LAMA4: variants seen among roughly 807,000 people sequenced by gnomAD.
LAMA4 encodes laminin subunit alpha-4.
Under a neutral mutation model 207.1 loss-of-function variants are expected in LAMA4, and 127 were observed. That is an observed-to-expected ratio of 0.61 (90% CI 0.53 to 0.71). The LOEUF (loss-of-function observed/expected upper bound fraction) is 0.71. Ranked by LOEUF, LAMA4 falls within the 30% of genes least tolerant of loss-of-function variation. The pLI is 0.00. For missense variants in LAMA4, 2,093 were observed against 2,246.5 expected (o/e 0.93, Z 1.38); for synonymous variants, 761 against 816.0 (o/e 0.93, Z 1.15).
chr6:112,114,865 CAT>C lies in LAMA4; in HGVS notation c.5113-111_5113-110del, dbSNP rs113252304. The C allele has an allele frequency of 4.4e-3, 3,553 of 813,922 alleles. 97 individuals carry two copies. The African/African-American group carries it at 0.054, about 12-fold the overall frequency. The allele number at this position is 813,922 out of a possible 1,614,324, so 50.4% of individuals were successfully genotyped here. On this transcript the variant is annotated intron_variant, in intron 36 of 38. Transcript: ENST00000230538. ...AGCAATACTTCAACAAATATTCACA[CAT>C]GATTAGCTTTGCAATTTGAACACAA... is the stretch of plus-strand genomic sequence containing the variant.
chr6:112,239,797 C>T (rs547293777), intron 2 of LAMA4, among the ~76,000 whole-genome samples: 1 of 152,238 alleles, frequency 6.6e-6, no homozygotes, highest in East Asian at 1.9e-4. Context: ...GGTGCGGTGG[C>T]TCATGCCTGT....
intron 5 of LAMA4, among the ~76,000 whole-genome samples, chr6:112,195,877 T>C (rs1318528880): frequency 1.3e-5 from 2 of 151,978 alleles, no homozygotes; most frequent in Non-Finnish European, 2.9e-5. Flanking sequence ...TTGTGTGATG[T>C]TAGATTAAGT....
chr6:112,142,127 T>G lies in LAMA4; in HGVS notation c.2659A>C (p.Ser887Arg). Residue 887 changes from serine to arginine, a missense_variant, in exon 20 of 39, where the codon AGC becomes CGC. Around this residue, in one of 3 missense-constraint regions of LAMA4, gnomAD observed 1,704 missense variants for 1,788.4 expected, o/e 0.95. Transcript: ENST00000230538. Reference protein sequence around the residue: ...TADQFILYLGSKNAKKEYMGL... With the variant: ...TADQFILYLGRKNAKKEYMGL... ...CAAACTCATGTGCTTACGTTTTTGC[T>G]TCCGAGGTACAGGATAAACTGATCT... 6.2e-7 allele frequency: 1 copy of G among 1,614,118 alleles called. No individual in the cohort carries two copies. The highest frequency in any genetic ancestry group is 8.5e-7 in the Non-Finnish European group (1 of 1,179,984).
chr6:112,215,380 G>A (rs1463109316), intron 3 of LAMA4, among the ~76,000 whole-genome samples: 2 of 152,188 alleles, frequency 1.3e-5, no homozygotes, highest in African/African-American at 4.8e-5. Flanking sequence ...GCATCTTAAT[G>A]TGTGAATAAA....
chr6:112,117,807 G>A lies in LAMA4; in HGVS notation c.4913C>T (p.Thr1638Ile). Residue 1638 changes from threonine to isoleucine, a missense_variant, in exon 35 of 39, where the codon ACC (threonine) becomes ATC (isoleucine). Physicochemically the swap from Thr to Ile is moderately conservative, Grantham distance 89. Coordinates refer to ENST00000230538, the MANE Select transcript of LAMA4 (RefSeq NM_001105206.3). This position sits in a 1 kb window ranked among gnomAD's most constrained non-coding sequence, Gnocchi z 4.5. Reference protein sequence around the residue: ...ITSASQTFSVTPCFEGPMETG... With the variant: ...ITSASQTFSVIPCFEGPMETG... ...TTCCATGGGGCCTTCAAAGCAAGGG[G>A]TCACACTGAATGTCTGAGAAGCAGA... 6.2e-7 allele frequency: 1 copy of A among 1,613,778 alleles called. No individual in the cohort carries two copies. The highest frequency in any genetic ancestry group is 8.5e-7 in the Non-Finnish European group (1 of 1,179,766).
At chr6:112,161,638 A>C (rs571271912) in intron 13 of LAMA4, among the ~76,000 whole-genome samples, 188 of 152,298 alleles carry the variant, frequency 1.2e-3, no homozygotes, top group African/African-American at 4.3e-3. Flanking sequence ...ACAGGTAATA[A>C]ACAAGTGATC....
intron 13 of LAMA4, among the ~76,000 whole-genome samples, chr6:112,164,881 T>C (rs1245168291): frequency 6.6e-6 from 1 of 152,238 alleles, no homozygotes; most frequent in African/African-American, 2.4e-5. Flanking sequence ...CCACTGAATA[T>C]AGTAGCTGCT....
rs587726125 is a variant in LAMA4 at position 112,114,144 on chromosome 6, T to C, written c.5258A>G (p.His1753Arg). ...TTTTGGATTCAGGGGTCCAACCACA[T>C]GGTTCACTTCAGAGTCCACATCCAA... ...VQLDVDSEVNHVVGPLNPKPI... is the reference protein window; with the variant it reads ...VQLDVDSEVNRVVGPLNPKPI... Residue 1753 changes from histidine to arginine, a missense_variant, in exon 38 of 39, where the codon CAT becomes CGT. By Grantham distance (29) the His-to-Arg change is conservative (BLOSUM62 0). Transcript: ENST00000230538. 3.7e-6 allele frequency: 6 copies of C among 1,613,900 alleles called. No homozygotes were observed. The African/African-American group carries it at 6.7e-5, about 18-fold the overall frequency.
chr6:112,216,519 G>A (rs1554358801), intron 2 of LAMA4, 50 bp from the exon 3 acceptor site: 1 of 1,275,194 alleles, frequency 7.8e-7, no homozygotes, highest in East Asian at 2.3e-5. Flanking sequence ...ATTGATTTTG[G>A]TCAATATTTT....
rs1783131705 is a variant in LAMA4 at position 112,191,720 on chromosome 6, A to T, written c.634T>A (p.Cys212Ser). 2 of 1,614,108 alleles carry T rather than the reference A, an allele frequency of 1.2e-6. No individual in the cohort carries two copies. The highest frequency in any genetic ancestry group is 1.7e-6 in the Non-Finnish European group (2 of 1,179,978). The part of the protein sequence containing the change: ...CDEVTGQCRN[C>S]LRNTTGFKCE... ...TTGAATCCGGTGGTGTTGCGTAAGC[A>T]ATTCCTACACTGGCCAGTGACTTCA... Residue 212 changes from cysteine to serine, a missense_variant, in exon 6 of 39, where the codon TGC (cysteine) becomes AGC (serine). Around this residue, in one of 3 missense-constraint regions of LAMA4, gnomAD observed 1,704 missense variants for 1,788.4 expected, o/e 0.95. Coordinates refer to ENST00000230538, the MANE Select transcript of LAMA4 (RefSeq NM_001105206.3).
intron 31 of LAMA4, among the ~76,000 whole-genome samples, chr6:112,127,817 A>C (rs1554328163): frequency 2.0e-5 from 3 of 152,196 alleles, no homozygotes. Flanking sequence ...GCACACTCTT[A>C]AAATTGGATC....
At chr6:112,170,724 T>C (rs1296226741) in intron 12 of LAMA4, among the ~76,000 whole-genome samples, 3 of 152,164 alleles carry the variant, frequency 2.0e-5, no homozygotes, top group Admixed American at 1.3e-4. Flanking sequence ...ATTCCCTTAC[T>C]TTTTGGAGCC....
At chr6:112,202,938 C>G (rs782307874) in intron 4 of LAMA4, among the ~76,000 whole-genome samples, 6 of 152,128 alleles carry the variant, frequency 3.9e-5, no homozygotes, top group Non-Finnish European at 5.9e-5. Flanking sequence ...CTGTTTCAAA[C>G]AGATGACATT....
At chr6:112,182,192 G>A (rs782573820) in intron 9 of LAMA4, among the ~76,000 whole-genome samples, 15 of 152,066 alleles carry the variant, frequency 9.9e-5, no homozygotes, top group Non-Finnish European at 1.5e-4. Context: ...TTATCCCTCA[G>A]CATCCATGGG....
chr6:112,207,153 A>C lies in LAMA4; in HGVS notation c.298-8T>G. On this transcript the variant is annotated splice_polypyrimidine_tract_variant and splice_region_variant and intron_variant, in intron 3 of 38. Coordinates refer to ENST00000230538, the MANE Select transcript of LAMA4 (RefSeq NM_001105206.3). ...TGTGTTCCGCTGGCAGTGCTATGAGACAAAAGACAAGAAGATTGACAAGGA... is the reference window on the plus strand; with the variant it reads ...TGTGTTCCGCTGGCAGTGCTATGAGCCAAAAGACAAGAAGATTGACAAGGA... 1 of 1,613,770 alleles carries C rather than the reference A, an allele frequency of 6.2e-7. No homozygotes were observed. The highest frequency in any genetic ancestry group is 1.7e-5 in the Admixed American group (1 of 59,986).
At chr6:112,151,145 T>C (rs1343057147) in intron 16 of LAMA4, among the ~76,000 whole-genome samples, 1 of 152,192 alleles carries the variant, frequency 6.6e-6, no homozygotes, top group Non-Finnish European at 1.5e-5. Flanking sequence ...TAGAAACTTA[T>C]TACCACCTTT....
rs373696230 is a variant in LAMA4 at position 112,197,086 on chromosome 6, G to A, written c.503+4522C>T. 2.6e-5 allele frequency among the ~76,000 whole-genome samples: 4 copies of A among 152,180 alleles called. No homozygotes were observed. In the South Asian group the frequency reaches 6.2e-4, roughly 24 times the overall value. ...TCTTTTGAGGCTTAAATCATTGTCT[G>A]TAAAGTTTTTACAACAGTGCCTGAC... On this transcript the variant is annotated intron_variant, in intron 5 of 38. Transcript: ENST00000230538.
At position 112,190,871 on chromosome 6, in the gene LAMA4, T is replaced by TTTTC. The variant is rs1173465019; in HGVS notation, c.718+761_718+764dup. On this transcript the variant is annotated intron_variant, in intron 6 of 38. Transcript: ENST00000230538. ...CTGATTTGAACCATGCAAGGTTTCTTTTTCTTTCTTTCTTTCTTTCTTTCT... is the reference window on the plus strand; with the variant it reads ...CTGATTTGAACCATGCAAGGTTTCTTTTTCTTTCTTTCTTTCTTTCTTTCTTTCT... Among the ~76,000 whole-genome samples the TTTTC allele has an allele frequency of 1.2e-3, 112 of 91,594 alleles. 1 individual carries two copies. Among genetic ancestry groups the TTTTC allele is most frequent in the Non-Finnish European group, 1.5e-3 (65 of 43,436 alleles). The allele number at this position is 91,594 out of a possible 152,430, so 60.1% of individuals were successfully genotyped here. A position where few individuals can be genotyped will look rare whatever the true frequency, so the allele number is the denominator to read the frequency against.
intron 2 of LAMA4, chr6:112,234,111 T>C (rs1785730844): frequency 6.6e-6 from 1 of 152,166 alleles, no homozygotes; most frequent in South Asian, 2.1e-4. Context: ...AATTTTCAAG[T>C]TATAACTTAT....
Sources: gnomAD v4.1 joint callset for allele counts (sites outside exome capture counted in the v4.1 genomes callset) on GRCh38, gnomAD v4.1.1 for gene constraint, gnomAD v4.1.1 regional missense constraint, Gnocchi (gnomAD v3.1) non-coding constraint, MANE v1.5 for transcripts, NCBI Gene and HGNC (gene_info 2026-07-23, HGNC 2026-07-21) for gene names.